The following STX8 variants were observed in gnomAD, a reference collection of about 807,000 sequenced individuals.
STX8 encodes syntaxin-8.
STX8 carries 23 observed loss-of-function variants against 37.5 expected under a neutral mutation model. That is an observed-to-expected ratio of 0.61 (90% CI 0.44 to 0.87). STX8 has a LOEUF of 0.87. Among genes scored for constraint, STX8 ranks in the 40% least tolerant of loss-of-function variants. The probability of loss-of-function intolerance (pLI) is 0.00; values close to 1 mark genes in which losing one functional copy is unlikely to be tolerated. For missense variants in STX8, 313 were observed against 284.7 expected (o/e 1.10, Z -0.71); for synonymous variants, 115 against 99.1 (o/e 1.16, Z -0.95).
At chr17:9,424,194 G>A (rs1913543371) in intron 6 of STX8, among the ~76,000 whole-genome samples, 1 of 152,104 alleles carries the variant, frequency 6.6e-6, no homozygotes, top group South Asian at 2.1e-4. Flanking sequence ...TTGGCTGTCA[G>A]TCCTGAGCCC....
chr17:9,549,168 C>T (rs1388575936), intron 3 of STX8, among the ~76,000 whole-genome samples: 5 of 152,160 alleles, frequency 3.3e-5, no homozygotes, highest in African/African-American at 2.4e-5. Context: ...AAAGAGGAGT[C>T]ATTGGTAATA....
intron 6 of STX8, among the ~76,000 whole-genome samples, chr17:9,379,560 C>T (rs1233811624): frequency 6.6e-6 from 1 of 152,158 alleles, no homozygotes; most frequent in Non-Finnish European, 1.5e-5. Flanking sequence ...CGAGGCATAT[C>T]GAGCAGTTGA....
At chr17:9,349,067 C>T (rs1235668307) in intron 7 of STX8, among the ~76,000 whole-genome samples, 1 of 152,156 alleles carries the variant, frequency 6.6e-6, no homozygotes, top group Admixed American at 6.6e-5. Context: ...TCTCGGCTCA[C>T]TGCAACCTCT....
At chr17:9,481,592 C>G (rs1906346891) in intron 6 of STX8, among the ~76,000 whole-genome samples, 1 of 152,110 alleles carries the variant, frequency 6.6e-6, no homozygotes, top group African/African-American at 2.4e-5. Context: ...GGGAATAGGT[C>G]ACATATTAAA....
chr17:9,342,725 A>C (rs914608337), intron 7 of STX8, among the ~76,000 whole-genome samples: 1 of 152,176 alleles, frequency 6.6e-6, no homozygotes, highest in Non-Finnish European at 1.5e-5. Context: ...ACAGATGTGC[A>C]GATAAAAGTG....
intron 3 of STX8, chr17:9,555,227 A>G (rs989209911): frequency 3.9e-5 from 6 of 152,224 alleles, no homozygotes; most frequent in Admixed American, 1.3e-4. Flanking sequence ...TGGGACGACC[A>G]CAAAACCAAA....
intron 7 of STX8, among the ~76,000 whole-genome samples, chr17:9,357,898 G>A (rs1189268181): frequency 6.6e-6 from 1 of 152,052 alleles, no homozygotes; most frequent in Non-Finnish European, 1.5e-5. Flanking sequence ...AAATTCAAGA[G>A]GATTTCCATT....
chr17:9,352,009 G>C (rs1046936439), intron 7 of STX8, among the ~76,000 whole-genome samples: 1 of 151,918 alleles, frequency 6.6e-6, no homozygotes, highest in Non-Finnish European at 1.5e-5. Flanking sequence ...AAATTAGCTG[G>C]GTACGGTGGT....
intron 2 of STX8, among the ~76,000 whole-genome samples, chr17:9,566,726 G>A (rs1907473660): frequency 2.0e-5 from 3 of 152,076 alleles, no homozygotes; most frequent in Admixed American, 2.0e-4. Context: ...GGCAGAGGAT[G>A]CAGTGAGCCG....
intron 7 of STX8, among the ~76,000 whole-genome samples, chr17:9,257,481 A>G (rs1906843293): frequency 6.6e-6 from 1 of 152,032 alleles, no homozygotes; most frequent in Admixed American, 6.5e-5. Flanking sequence ...GAAGGAGGAG[A>G]AAGAATCTGG....
rs544186813 is a variant in STX8, at chr17:9,277,815, G to A, written c.644-27170C>T. On this transcript the variant is annotated intron_variant, in intron 7 of 7. Coordinates refer to ENST00000306357, the MANE Select transcript of STX8 (RefSeq NM_004853.3). ...AGAGCAGCTAGGGATTCATGGAATG[G>A]AAAGAAACCCACTGTGGTTAGAACT... 3.3e-5 allele frequency among the ~76,000 whole-genome samples: 5 copies of A among 152,206 alleles called. No homozygotes were observed. In the South Asian group the frequency reaches 1.0e-3, roughly 31 times the overall value.
chr17:9,445,151 A>C (rs1255137446), intron 6 of STX8, among the ~76,000 whole-genome samples: 1 of 152,034 alleles, frequency 6.6e-6, no homozygotes, highest in Non-Finnish European at 1.5e-5. Flanking sequence ...TTTCTGACCT[A>C]AGTTTGGAGA....
rs951832119 is a variant in STX8, at chr17:9,402,131, T to A, written c.542-23478A>T. 6.6e-5 allele frequency among the ~76,000 whole-genome samples: 10 copies of A among 151,524 alleles called. No individual in the cohort carries two copies. The East Asian group carries it at 1.7e-3, about 26-fold the overall frequency. ...ATTTATTTATTTATTTATTATTATT[T>A]GTTTTTAGACAGCGTTTTGCTCTTG... On this transcript the variant is annotated intron_variant, in intron 6 of 7. Coordinates refer to ENST00000306357, the MANE Select transcript of STX8 (RefSeq NM_004853.3).
At position 9,295,626 on chromosome 17, in the gene STX8, CCA is replaced by C. The variant is rs1407961039; in HGVS notation, c.644-44983_644-44982del. On this transcript the variant is annotated intron_variant, in intron 7 of 7. Coordinates refer to ENST00000306357, the MANE Select transcript of STX8 (RefSeq NM_004853.3). ...GGCGTGGTGGCAGGTGCCTGTAATTCCAGTTACTCGGGAGGCTGAGGCAGGAG... is the reference window on the plus strand; with the variant it reads ...GGCGTGGTGGCAGGTGCCTGTAATTCGTTACTCGGGAGGCTGAGGCAGGAG... Among the ~76,000 whole-genome samples the C allele has an allele frequency of 3.3e-5, 5 of 151,824 alleles. No homozygotes were observed. The East Asian group carries it at 9.8e-4, about 30-fold the overall frequency.
intron 7 of STX8, among the ~76,000 whole-genome samples, chr17:9,338,801 G>A (rs7215971): frequency 0.25 from 37,993 of 152,134 alleles, 5,027 homozygotes; most frequent in East Asian, 0.37. Flanking sequence ...GTCAGATGAC[G>A]TGGCTTACGC....
At chr17:9,415,069 G>A (rs1913137192) in intron 6 of STX8, among the ~76,000 whole-genome samples, 1 of 152,048 alleles carries the variant, frequency 6.6e-6, no homozygotes, top group Admixed American at 6.5e-5. Flanking sequence ...GGGATTATAG[G>A]TGTGAGCCAC....
intron 3 of STX8, among the ~76,000 whole-genome samples, chr17:9,551,697 A>G (rs901203479): frequency 4.6e-5 from 7 of 152,246 alleles, no homozygotes; most frequent in African/African-American, 7.2e-5. Context: ...ATAACCTGGC[A>G]AAGTATGATT....
intron 7 of STX8, among the ~76,000 whole-genome samples, chr17:9,287,423 G>A (rs1056803827): frequency 1.3e-5 from 2 of 152,168 alleles, no homozygotes; most frequent in African/African-American, 4.8e-5. Context: ...TTGAAACATG[G>A]GGGCAACAGG....
chr17:9,396,783 T>A (rs1277939616), intron 6 of STX8, among the ~76,000 whole-genome samples: 1 of 149,840 alleles, frequency 6.7e-6, no homozygotes, highest in African/African-American at 2.5e-5. Context: ...TGTATCAAAA[T>A]CCGAACTGTA....
Sources: allele counts gnomAD v4.1 joint callset (sites outside exome capture counted in the v4.1 genomes callset), GRCh38; gene constraint gnomAD v4.1.1; transcripts MANE v1.5; gene names NCBI Gene and HGNC (gene_info 2026-07-23, HGNC 2026-07-21).